The following PALD1 variants were observed in gnomAD, a reference collection of about 807,000 sequenced individuals.
The protein encoded by PALD1 is paladin.
In PALD1, 57 loss-of-function variants were observed where a neutral mutation model predicts 96.0. The ratio of observed to expected loss-of-function variants is 0.59; its 90% CI spans 0.48 to 0.74. The LOEUF (loss-of-function observed/expected upper bound fraction) is 0.74. PALD1 is among the 30% of genes least tolerant of loss of function. PALD1 has a pLI of 0.00. For synonymous variants in PALD1, 464 were observed against 473.6 expected, an observed-to-expected ratio of 0.98 and a Z score of 0.26; for missense variants, 1,063 against 1,143.7, an observed-to-expected ratio of 0.93 and a Z score of 1.02.
chr10:70,541,403 C>A, intron 16 of PALD1, 60 bp from the exon 17 acceptor site: 2 of 1,573,096 alleles, frequency 1.3e-6, no homozygotes, highest in Non-Finnish European at 1.7e-6. Flanking sequence ...CAAGTCCTCC[C>A]CAGCAAGGGG....
chr10:70,533,107 T>C, intron 7 of PALD1, 37 bp downstream of exon 7: 1 of 1,521,020 alleles, frequency 6.6e-7, no homozygotes, highest in Non-Finnish European at 9.0e-7. Context: ...GGAGGAGTCT[T>C]GAGAGTCGTC....
chr10:70,510,536 C>T (rs780307111), intron 1 of PALD1, among the ~76,000 whole-genome samples: 12 of 152,150 alleles, frequency 7.9e-5, no homozygotes, highest in Non-Finnish European at 1.8e-4. Context: ...TAGACAGGAG[C>T]CAGCCTTTTT....
chr10:70,519,771 C>T (rs900308974), intron 1 of PALD1, among the ~76,000 whole-genome samples: 3 of 152,070 alleles, frequency 2.0e-5, no homozygotes, highest in South Asian at 2.1e-4. Context: ...GACGGGGTTT[C>T]GCCATGTTGG....
intron 1 of PALD1, among the ~76,000 whole-genome samples, chr10:70,486,772 C>CAA (rs758784583): frequency 6.6e-6 from 1 of 151,756 alleles, no homozygotes. Context: ...AAAAACAAAA[C>CAA]AAAACAAAAC....
intron 17 of PALD1, among the ~76,000 whole-genome samples, chr10:70,543,495 AC>A (rs1427500291): frequency 6.6e-6 from 1 of 152,000 alleles, no homozygotes. Flanking sequence ...TTATCCTAAG[AC>A]TTTTATAGTT....
rs1847868820 is a variant in PALD1 at position 70,566,971 on chromosome 10, C to T, written c.*238C>T. 1.9e-6 allele frequency: 1 copy of T among 522,660 alleles called. No individual in the cohort carries two copies. 32.4% of individuals were successfully genotyped at this position (522,660 alleles called of 1,614,324 possible). A position where few individuals can be genotyped will look rare whatever the true frequency, so the allele number is the denominator to read the frequency against. On this transcript the variant is annotated 3_prime_UTR_variant, in exon 20 of 20. Transcript: ENST00000263563. ...TGTGGCTGACCTCCAGGGAGGAGCA[C>T]TCACTGGAGTGCTCACAAGGTGCAC...
chr10:70,519,522 A>C (rs866317077), intron 1 of PALD1, among the ~76,000 whole-genome samples: 3 of 151,078 alleles, frequency 2.0e-5, no homozygotes, highest in Admixed American at 2.0e-4. Context: ...CTCTCCCCCA[A>C]AGCCTCCACC....
chr10:70,553,576 C>G (rs1348977906), intron 18 of PALD1, among the ~76,000 whole-genome samples: 1 of 152,204 alleles, frequency 6.6e-6, no homozygotes, highest in Non-Finnish European at 1.5e-5. Context: ...TTTACGACCA[C>G]CGTCCTCACT....
At chr10:70,562,408 C>A (rs1033491838) in intron 18 of PALD1, among the ~76,000 whole-genome samples, 6 of 152,220 alleles carry the variant, frequency 3.9e-5, no homozygotes, top group Non-Finnish European at 7.3e-5. Flanking sequence ...AGGCCCTGCT[C>A]AGGCTACTCC....
intron 19 of PALD1, among the ~76,000 whole-genome samples, chr10:70,565,402 T>C (rs1847824131): frequency 6.6e-6 from 1 of 152,200 alleles, no homozygotes. Flanking sequence ...AAGCGGCCTG[T>C]AATTACTCCT....
intron 4 of PALD1, 93 bp from the exon 5 acceptor site, chr10:70,531,197 A>C: frequency 9.4e-7 from 1 of 1,059,516 alleles, no homozygotes; most frequent in Non-Finnish European, 1.4e-6. Flanking sequence ...GGAGGAAGGA[A>C]CAGCTTGGGC....
At position 70,557,930 on chromosome 10, in the gene PALD1, C is replaced by CTTTT. The variant is rs781513750; in HGVS notation, c.2263-6417_2263-6414dup. 1.3e-4 allele frequency among the ~76,000 whole-genome samples: 12 copies of CTTTT among 92,882 alleles called. 2 individuals carry two copies. Among genetic ancestry groups the CTTTT allele is most frequent in the East Asian group, 2.6e-4 (1 of 3,872 alleles). 60.9% of individuals were successfully genotyped at this position (92,882 alleles called of 152,430 possible). A position where few individuals can be genotyped will look rare whatever the true frequency, so the allele number is the denominator to read the frequency against. On this transcript the variant is annotated intron_variant, in intron 18 of 19. Coordinates refer to ENST00000263563, the MANE Select transcript of PALD1 (RefSeq NM_014431.3). ...CTGAACCTGGCCTTGTTGGCTCTTCCTTTTTTTTTTTTTTTTTTTTAGAGA... is the reference window on the plus strand; with the variant it reads ...CTGAACCTGGCCTTGTTGGCTCTTCCTTTTTTTTTTTTTTTTTTTTTTTTAGAGA...
chr10:70,525,885 C>A, intron 1 of PALD1, 38 bp from the exon 2 acceptor site: 1 of 1,557,146 alleles, frequency 6.4e-7, no homozygotes, highest in South Asian at 1.1e-5. Context: ...GTGGATTTTC[C>A]CATCCCCTCC....
chr10:70,550,094 G>A (rs972350747), intron 18 of PALD1, among the ~76,000 whole-genome samples: 1 of 152,224 alleles, frequency 6.6e-6, no homozygotes, highest in African/African-American at 2.4e-5. Context: ...GCACTGAAGA[G>A]CAGAGGGACT....
At chr10:70,541,349 C>G (rs909719108) in intron 16 of PALD1, 107 bp downstream of exon 16, 1 of 1,514,602 alleles carries the variant, frequency 6.6e-7, no homozygotes, top group East Asian at 2.3e-5. Flanking sequence ...CAGAGACAGC[C>G]GGGTGTGGTC....
intron 18 of PALD1, among the ~76,000 whole-genome samples, chr10:70,553,819 T>G (rs1847533528): frequency 6.6e-6 from 1 of 152,144 alleles, no homozygotes; most frequent in South Asian, 2.1e-4. Flanking sequence ...GAAACAGAAC[T>G]GGAAGCCATG....
chr10:70,540,170 G>T lies in PALD1; in HGVS notation c.1908+408G>T, dbSNP rs1433299973. On this transcript the variant is annotated intron_variant, in intron 15 of 19. Transcript: ENST00000263563. The surrounding 1 kb of genome is among the most constrained non-coding windows in gnomAD (Gnocchi z 4.2). ...TGTGTGTATTCTGTTACAGGTGTGT[G>T]TGTGTATTTGTTATAAGGTGTGTGT... is the stretch of plus-strand genomic sequence containing the variant. Among the ~76,000 whole-genome samples, 2 of 151,836 alleles carry T rather than the reference G, an allele frequency of 1.3e-5. No individual in the cohort carries two copies. The highest frequency in any genetic ancestry group is 2.9e-5 in the Non-Finnish European group (2 of 67,946).
rs751427539 is a variant in PALD1 at position 70,566,899 on chromosome 10, A to G, written c.*166A>G. ...GGAGCCTTTTTAGAAAGAACTTTTT[A>G]TAGGACAGGGAGACAGCACAGCCAT... On this transcript the variant is annotated 3_prime_UTR_variant, in exon 20 of 20. Coordinates refer to ENST00000263563, the MANE Select transcript of PALD1 (RefSeq NM_014431.3). The G allele has an allele frequency of 1.8e-4, 107 of 580,752 alleles. No individual in the cohort carries two copies. The highest frequency in any genetic ancestry group is 2.8e-4 in the Non-Finnish European group (93 of 328,956). 36.0% of individuals were successfully genotyped at this position (580,752 alleles called of 1,614,324 possible).
chr10:70,560,530 G>T (rs1039577796), intron 18 of PALD1, among the ~76,000 whole-genome samples: 7 of 152,122 alleles, frequency 4.6e-5, no homozygotes, highest in Non-Finnish European at 1.0e-4. Context: ...GAATGTGTTA[G>T]GGTCTAATCC....
Sources: gnomAD v4.1 joint callset for allele counts (sites outside exome capture counted in the v4.1 genomes callset) on GRCh38, gnomAD v4.1.1 for gene constraint, Gnocchi (gnomAD v3.1) non-coding constraint, MANE v1.5 for transcripts, NCBI Gene and HGNC (gene_info 2026-07-23, HGNC 2026-07-21) for gene names.